The following SMAP1 variants were observed in gnomAD, a reference collection of about 807,000 sequenced individuals.
SMAP1 encodes stromal membrane-associated protein 1.
SMAP1 carries 24 observed loss-of-function variants against 58.5 expected under a neutral mutation model. The ratio of observed to expected loss-of-function variants is 0.41; its 90% CI spans 0.30 to 0.58. SMAP1 has a LOEUF of 0.58. Ranked by LOEUF, SMAP1 falls within the 20% of genes least tolerant of loss-of-function variation. SMAP1 has a pLI of 0.29. For missense variants in SMAP1, 563 were observed against 566.3 expected (o/e 0.99, Z 0.06); for synonymous variants, 216 against 196.6 (o/e 1.10, Z -0.82).
At chr6:70,735,944 G>A (rs750731858) in intron 2 of SMAP1, among the ~76,000 whole-genome samples, 1 of 151,830 alleles carries the variant, frequency 6.6e-6, no homozygotes, top group Non-Finnish European at 1.5e-5. Context: ...CCTTTTATTA[G>A]TAAATATGGA....
intron 1 of SMAP1, among the ~76,000 whole-genome samples, chr6:70,703,366 G>T (rs190957956): frequency 6.6e-6 from 1 of 152,082 alleles, no homozygotes; most frequent in Non-Finnish European, 1.5e-5. Context: ...GAGCCACCAC[G>T]CTCAGCCAGC....
chr6:70,784,813 G>A (rs1443993163), intron 4 of SMAP1, among the ~76,000 whole-genome samples: 1 of 152,186 alleles, frequency 6.6e-6, no homozygotes, highest in Non-Finnish European at 1.5e-5. Flanking sequence ...CAAGTCCTGA[G>A]TGACCTACAT....
chr6:70,832,442 A>G (rs932413370), intron 6 of SMAP1, among the ~76,000 whole-genome samples: 1 of 152,170 alleles, frequency 6.6e-6, no homozygotes, highest in Non-Finnish European at 1.5e-5. Context: ...CATTGAATCT[A>G]TGTGTGTGTG....
At chr6:70,836,866 T>C (rs1206583001) in intron 6 of SMAP1, 75 bp from the exon 7 acceptor site, 17 of 1,184,382 alleles carry the variant, frequency 1.4e-5, no homozygotes, top group Admixed American at 2.8e-5. Flanking sequence ...ATCAGAACCC[T>C]GTAATTAATT....
In SMAP1 at chr6:70,799,969, A is replaced by T. The variant is rs368605284; in HGVS notation, c.576+1232A>T. ...TATGGTGAGTATGTAATGGTGTCTC[A>T]TTAAATTTTTACTGTTCATTTCCTT... On this transcript the variant is annotated intron_variant, in intron 6 of 10. Coordinates refer to ENST00000370455, the MANE Select transcript of SMAP1 (RefSeq NM_001044305.3). 2.6e-5 allele frequency among the ~76,000 whole-genome samples: 4 copies of T among 152,192 alleles called. No individual in the cohort carries two copies. The East Asian group carries it at 7.7e-4, about 29-fold the overall frequency.
chr6:70,788,235 G>A (rs566269626), intron 4 of SMAP1, among the ~76,000 whole-genome samples: 2 of 146,784 alleles, frequency 1.4e-5, no homozygotes, highest in South Asian at 4.3e-4. Context: ...TCACTCATAG[G>A]TGGGAATTGA....
At chr6:70,751,713 G>A (rs796861424) in intron 2 of SMAP1, among the ~76,000 whole-genome samples, 10 of 152,172 alleles carry the variant, frequency 6.6e-5, no homozygotes, top group Admixed American at 2.0e-4. Flanking sequence ...AGAAGTGAAA[G>A]CAAGTTTAGA....
At chr6:70,762,554 A>G (rs1766794361) in intron 3 of SMAP1, among the ~76,000 whole-genome samples, 2 of 152,200 alleles carry the variant, frequency 1.3e-5, no homozygotes, top group Admixed American at 1.3e-4. Context: ...AACTGAGAGC[A>G]ACCAAAGATA....
chr6:70,852,122 T>G (rs953168702), intron 7 of SMAP1, among the ~76,000 whole-genome samples: 3 of 152,186 alleles, frequency 2.0e-5, no homozygotes, highest in African/African-American at 7.2e-5. Context: ...AAATTCCACC[T>G]TAGCCCCTTA....
chr6:70,668,761 T>C (rs1206758673), intron 1 of SMAP1: 7 of 1,528,596 alleles, frequency 4.6e-6, no homozygotes, highest in Non-Finnish European at 6.1e-6. Flanking sequence ...GAAAGGTCTT[T>C]ATTAGTAGTA....
chr6:70,838,389 C>A (rs1373966225), intron 7 of SMAP1, among the ~76,000 whole-genome samples: 1 of 152,160 alleles, frequency 6.6e-6, no homozygotes, highest in Non-Finnish European at 1.5e-5. Context: ...ACTGCAACCC[C>A]TGCCTTCTGG....
chr6:70,854,531 A>T (rs1771320309), intron 8 of SMAP1, among the ~76,000 whole-genome samples: 1 of 152,006 alleles, frequency 6.6e-6, no homozygotes. Flanking sequence ...CTGAGGCAGG[A>T]GAATTGCTTG....
Position 70,767,068 on chromosome 6 carries a change from G to A in SMAP1, c.339-6282G>A, listed in dbSNP as rs1186865094. Among the ~76,000 whole-genome samples the A allele has an allele frequency of 6.8e-4, 103 of 152,034 alleles. No homozygotes were observed. In the East Asian group the frequency reaches 8.1e-3, roughly 12 times the overall value. On this transcript the variant is annotated intron_variant, in intron 3 of 10. Coordinates refer to ENST00000370455, the MANE Select transcript of SMAP1 (RefSeq NM_001044305.3). ...GATCAGATAGTTGTAGATATGCGGCGTTATTTCTGAGGGCTCTGTTCTGTT... is the reference window on the plus strand; with the variant it reads ...GATCAGATAGTTGTAGATATGCGGCATTATTTCTGAGGGCTCTGTTCTGTT...
intron 2 of SMAP1, among the ~76,000 whole-genome samples, chr6:70,754,342 G>T (rs1171770221): frequency 6.6e-6 from 1 of 152,012 alleles, no homozygotes; most frequent in Non-Finnish European, 1.5e-5. Flanking sequence ...CTGAGCAATT[G>T]TTCTTACCAT....
At chr6:70,717,135 G>A (rs1414034039) in intron 1 of SMAP1, among the ~76,000 whole-genome samples, 2 of 152,174 alleles carry the variant, frequency 1.3e-5, no homozygotes, top group African/African-American at 4.8e-5. Context: ...TGAATTAGAA[G>A]CTAGTTTCTT....
chr6:70,719,664 T>C (rs910909421), intron 1 of SMAP1, among the ~76,000 whole-genome samples: 2 of 152,074 alleles, frequency 1.3e-5, no homozygotes, highest in Non-Finnish European at 2.9e-5. Context: ...ACAGTTCATA[T>C]GGTCGGGGAG....
chr6:70,669,193 G>C (rs762203730), intron 1 of SMAP1, among the ~76,000 whole-genome samples: 17 of 152,126 alleles, frequency 1.1e-4, no homozygotes, highest in Non-Finnish European at 2.1e-4. Flanking sequence ...TATTGGGTGA[G>C]AAATAGGGTA....
intron 6 of SMAP1, among the ~76,000 whole-genome samples, chr6:70,823,645 C>T (rs919636053): frequency 6.6e-6 from 1 of 152,144 alleles, no homozygotes; most frequent in Non-Finnish European, 1.5e-5. Flanking sequence ...AACCTATGTA[C>T]ATCCTCCCAT....
At chr6:70,670,311 A>C (rs1239293570) in intron 1 of SMAP1, among the ~76,000 whole-genome samples, 1 of 152,220 alleles carries the variant, frequency 6.6e-6, no homozygotes, top group African/African-American at 2.4e-5. Flanking sequence ...ATGATCTTGT[A>C]AATAATTTCA....
Sources: allele counts gnomAD v4.1 joint callset (sites outside exome capture counted in the v4.1 genomes callset), GRCh38; gene constraint gnomAD v4.1.1; transcripts MANE v1.5; gene names NCBI Gene and HGNC (gene_info 2026-07-23, HGNC 2026-07-21).